Variants in MREG observed in about 807,000 individuals in gnomAD.
The protein encoded by MREG is dilute suppressor protein homolog.
In MREG, 31 loss-of-function variants were observed where a neutral mutation model predicts 28.5. The observed-to-expected ratio is 1.09, with a 90% CI of 0.82 to 1.47. The LOEUF is 1.47. Ranked by LOEUF, MREG falls within the 40% of genes most tolerant of loss-of-function variation. MREG has a pLI of 0.00. For synonymous variants in MREG, 106 were observed against 95.2 expected, an observed-to-expected ratio of 1.11 and a Z score of -0.66; for missense variants, 256 against 257.4, an observed-to-expected ratio of 0.99 and a Z score of 0.04.
At chr2:215,975,070 A>G (rs1432687417) in intron 2 of MREG, among the ~76,000 whole-genome samples, 1 of 140,484 alleles carries the variant, frequency 7.1e-6, no homozygotes, top group Non-Finnish European at 1.5e-5. Flanking sequence ...ACAGAAAACT[A>G]TAAAGTTAAA....
chr2:216,032,393 G>A (rs1302125068), intron 1 of MREG, among the ~76,000 whole-genome samples: 7 of 152,172 alleles, frequency 4.6e-5, no homozygotes, highest in Non-Finnish European at 1.0e-4. Context: ...TATGAACTCA[G>A]GTACAACAAT....
At chr2:216,031,293 G>C (rs1329262238) in intron 1 of MREG, among the ~76,000 whole-genome samples, 1 of 151,912 alleles carries the variant, frequency 6.6e-6, no homozygotes, top group East Asian at 1.9e-4. Flanking sequence ...TGTAAACCCA[G>C]CTACTTGGGA....
At chr2:215,996,273 TC>T (rs1268525760) in intron 2 of MREG, 32 bp downstream of exon 2, 1 of 1,601,320 alleles carries the variant, frequency 6.2e-7, no homozygotes, top group African/African-American at 1.3e-5. Flanking sequence ...TATAGCATCA[TC>T]CGCGCACAGC....
At chr2:216,029,623 A>C (rs1404368168) in intron 1 of MREG, among the ~76,000 whole-genome samples, 1 of 152,226 alleles carries the variant, frequency 6.6e-6, no homozygotes, top group Admixed American at 6.5e-5. Flanking sequence ...CTCTTTCCAG[A>C]GTTCTCAAAA....
At chr2:216,015,882 T>C (rs1364071616), upstream of MREG, among the ~76,000 whole-genome samples, 1 of 152,198 alleles carries the variant, frequency 6.6e-6, no homozygotes, top group Non-Finnish European at 1.5e-5. Flanking sequence ...TAGAGGAGTG[T>C]GGGAGGAGCC....
chr2:215,994,916 T>G (rs1008748092), intron 2 of MREG, among the ~76,000 whole-genome samples: 1 of 152,002 alleles, frequency 6.6e-6, no homozygotes, highest in African/African-American at 2.4e-5. Flanking sequence ...CACTATACAT[T>G]ATTTCCGTAT....
At chr2:215,940,524 G>A (rs1020998776), downstream of MREG, among the ~76,000 whole-genome samples, 19 of 152,100 alleles carry the variant, frequency 1.2e-4, no homozygotes, top group Non-Finnish European at 2.6e-4. Context: ...GCCATTAGTC[G>A]GATAACTCCT....
At chr2:216,027,889 T>C (rs1385939773) in intron 1 of MREG, among the ~76,000 whole-genome samples, 1 of 152,190 alleles carries the variant, frequency 6.6e-6, no homozygotes, top group Non-Finnish European at 1.5e-5. Flanking sequence ...GCATTCTAAA[T>C]CTGAAAATGT....
At chr2:215,977,391 A>T (rs1693291060) in intron 2 of MREG, among the ~76,000 whole-genome samples, 1 of 152,226 alleles carries the variant, frequency 6.6e-6, no homozygotes, top group Non-Finnish European at 1.5e-5. Context: ...AAGTCCTTAG[A>T]GACCTACAAA....
At chr2:215,988,808 T>G (rs1693649366) in intron 2 of MREG, among the ~76,000 whole-genome samples, 1 of 152,152 alleles carries the variant, frequency 6.6e-6, no homozygotes. Flanking sequence ...CCACTGCAGT[T>G]CAGCAAAGCC....
intron 2 of MREG, among the ~76,000 whole-genome samples, chr2:215,981,591 G>A (rs1440287213): frequency 5.3e-5 from 8 of 152,044 alleles, no homozygotes; most frequent in South Asian, 2.1e-4. Context: ...AAATATGAAC[G>A]TACTCAATGC....
intron 1 of MREG, among the ~76,000 whole-genome samples, chr2:215,998,476 C>T (rs1016618868): frequency 1.3e-5 from 2 of 152,108 alleles, no homozygotes; most frequent in South Asian, 2.1e-4. Flanking sequence ...TTGAACAGTG[C>T]TCCTGAAATC....
At chr2:215,945,082 C>G (rs1021710719) in intron 4 of MREG, 85 bp from the exon 5 acceptor site, 4 of 1,353,174 alleles carry the variant, frequency 3.0e-6, no homozygotes, top group Non-Finnish European at 4.0e-6. Context: ...CTAACAACAA[C>G]AAAACCCACC....
chr2:215,999,639 T>TA (rs1693961019), intron 1 of MREG, among the ~76,000 whole-genome samples: 1 of 152,126 alleles, frequency 6.6e-6, no homozygotes, highest in Non-Finnish European at 1.5e-5. Flanking sequence ...ATGATTGAGA[T>TA]AAAAGTAAGC....
chr2:216,026,956 T>C (rs1162120645), intron 1 of MREG, among the ~76,000 whole-genome samples: 1 of 152,214 alleles, frequency 6.6e-6, no homozygotes, highest in Admixed American at 6.5e-5. Context: ...ATTATGTAAA[T>C]CTGTACTTTA....
At chr2:215,955,992 G>A (rs1012153527) in intron 2 of MREG, among the ~76,000 whole-genome samples, 3 of 152,138 alleles carry the variant, frequency 2.0e-5, no homozygotes, top group African/African-American at 4.8e-5. Flanking sequence ...TCAGTGACTC[G>A]ATGAAGTCAA....
chr2:216,009,266 C>T (rs1390097031), intron 1 of MREG, among the ~76,000 whole-genome samples: 1 of 151,938 alleles, frequency 6.6e-6, no homozygotes, highest in African/African-American at 2.4e-5. Flanking sequence ...GCTTATCCAA[C>T]ATGTATGTTA....
At chr2:216,031,421 A>AAAGG (rs1694689114) in intron 1 of MREG, among the ~76,000 whole-genome samples, 2 of 70,216 alleles carry the variant, frequency 2.8e-5, no homozygotes, top group Non-Finnish European at 6.5e-5. Flanking sequence ...AGAAAGGAAG[A>AAAGG]AAGAAAGAAA....
chr2:215,958,454 AC>A (rs1026493922), intron 2 of MREG, among the ~76,000 whole-genome samples: 1 of 152,118 alleles, frequency 6.6e-6, no homozygotes, highest in African/African-American at 2.4e-5. Flanking sequence ...TATTTGCCAA[AC>A]CCAAGAGAAA....
Sources: allele counts gnomAD v4.1 joint callset (sites outside exome capture counted in the v4.1 genomes callset), GRCh38; gene constraint gnomAD v4.1.1; transcripts MANE v1.5; gene names NCBI Gene and HGNC (gene_info 2026-07-23, HGNC 2026-07-21).